The following INKA2 variants were observed in gnomAD, a reference collection of about 807,000 sequenced individuals.
INKA2 encodes the protein inka box actin regulator 2.
A neutral mutation model predicts 9.8 loss-of-function variants in INKA2; 3 were observed. The ratio of observed to expected loss-of-function variants is 0.31; its 90% CI spans 0.14 to 0.79. The LOEUF is 0.79. INKA2 is among the 30% of genes least tolerant of loss of function. The probability of loss-of-function intolerance (pLI) is 0.62; values close to 1 mark genes in which losing one functional copy is unlikely to be tolerated. For synonymous variants in INKA2, 147 were observed against 143.3 expected, an observed-to-expected ratio of 1.03 and a Z score of -0.18; for missense variants, 392 against 384.4, an observed-to-expected ratio of 1.02 and a Z score of -0.17.
intron 1 of INKA2, among the ~76,000 whole-genome samples, chr1:111,749,442 G>C (rs920966206): frequency 6.8e-6 from 1 of 146,460 alleles, no homozygotes; most frequent in South Asian, 2.1e-4. Flanking sequence ...GTGTGTGTGT[G>C]TGTGCGCGCG....
chr1:111,728,070 C>CACACACACACAT (rs1184555425), intron 1 of INKA2, among the ~76,000 whole-genome samples: 2,349 of 148,254 alleles, frequency 0.016, 51 homozygotes, highest in Middle Eastern at 0.027. Flanking sequence ...CACACACACA[C>CACACACACACAT]ACAGACATTT....
chr1:111,722,799 A>G lies in INKA2; in HGVS notation c.*4169T>C, dbSNP rs1272799351. ...AATGTTTCGACAGAAGAAGAGACCAACGCTCAGAGAAAGCACTTTTTCTTA... is the reference window on the plus strand; with the variant it reads ...AATGTTTCGACAGAAGAAGAGACCAGCGCTCAGAGAAAGCACTTTTTCTTA... On this transcript the variant is annotated 3_prime_UTR_variant, in exon 2 of 2. Transcript: ENST00000357260. 7.0e-6 allele frequency: 3 copies of G among 425,620 alleles called. No individual in the cohort carries two copies. Among genetic ancestry groups the G allele is most frequent in the Admixed American group, 4.2e-5 (1 of 24,068 alleles). The allele number at this position is 425,620 out of a possible 1,614,324, so 26.4% of individuals were successfully genotyped here.
chr1:111,727,271 G>A lies in INKA2; in HGVS notation c.591C>T (p.Pro197=). ...AREPKGEKGQ[P]QELGRRFALT... is the part of the protein sequence containing the mutation. ...GGGCGAACCTGCGGCCCAGCTCCTG[G>A]GGCTGGCCTTTCTCTCCTTTGGGTT... Residue 197 remains proline (P), a synonymous_variant, in exon 2 of 2, where the codon CCC becomes CCT. Coordinates refer to ENST00000357260, the MANE Select transcript of INKA2 (RefSeq NM_019099.5). 1 of 1,614,166 alleles carries A rather than the reference G, an allele frequency of 6.2e-7. No homozygotes were observed. Among genetic ancestry groups the A allele is most frequent in the Non-Finnish European group, 8.5e-7 (1 of 1,180,016 alleles).
rs1195235380 is a variant in INKA2 at position 111,739,256 on chromosome 1, G to T, written c.-14C>A. On this transcript the variant is annotated 5_prime_UTR_variant, in exon 1 of 2. Transcript: ENST00000357260. ...CTCCATCGTCATGCGCCCATTTGTC[G>T]GGTTCGGTTCAAACAGAGAGGGCCC... is the stretch of plus-strand genomic sequence containing the variant. 8.7e-6 allele frequency: 14 copies of T among 1,613,528 alleles called. No individual in the cohort carries two copies. Among genetic ancestry groups the T allele is most frequent in the Non-Finnish European group, 1.2e-5 (14 of 1,179,736 alleles).
At chr1:111,738,491 C>G (rs1663056828) in intron 1 of INKA2, among the ~76,000 whole-genome samples, 2 of 152,216 alleles carry the variant, frequency 1.3e-5, no homozygotes, top group South Asian at 4.1e-4. Flanking sequence ...TGACATCTGG[C>G]TGGGCCTCCG....
At position 111,726,090 on chromosome 1, in the gene INKA2, T is replaced by C; in HGVS notation, c.*878A>G. The C allele has an allele frequency of 2.5e-6, 1 of 398,644 alleles. No homozygotes were observed. The allele number at this position is 398,644 out of a possible 1,614,324, so 24.7% of individuals were successfully genotyped here. On this transcript the variant is annotated 3_prime_UTR_variant, in exon 2 of 2. Transcript: ENST00000357260. ...AGTGTTGGTAACTCCAGGGTCCAGC[T>C]TCTACTCTGCAGTTAGACCTAGGCT...
chr1:111,742,162 G>A (rs1663164046), upstream of INKA2, among the ~76,000 whole-genome samples: 1 of 152,182 alleles, frequency 6.6e-6, no homozygotes, highest in Admixed American at 6.5e-5. Flanking sequence ...CCTAGGACTG[G>A]GCGGTTGGGT....
At chr1:111,738,571 T>G (rs1663058395) in intron 1 of INKA2, among the ~76,000 whole-genome samples, 1 of 152,092 alleles carries the variant, frequency 6.6e-6, no homozygotes, top group Non-Finnish European at 1.5e-5. Flanking sequence ...CCTTTCCAGC[T>G]GCCAGCCCCC....
rs1662697933 is a variant in INKA2 at position 111,723,604 on chromosome 1, A to G, written c.*3364T>C. Reference sequence around the variant, plus strand: ...TTAAATGAGCTTCTAGCTCATTTGCATGTCCTAATTAACCACAAAGTGCGC... The same window carrying G: ...TTAAATGAGCTTCTAGCTCATTTGCGTGTCCTAATTAACCACAAAGTGCGC... On this transcript the variant is annotated 3_prime_UTR_variant, in exon 2 of 2. Transcript: ENST00000357260. 6.3e-6 allele frequency: 1 copy of G among 157,766 alleles called. No homozygotes were observed. Among genetic ancestry groups the G allele is most frequent in the African/African-American group, 2.4e-5 (1 of 41,648 alleles). The allele number at this position is 157,766 out of a possible 1,614,324, so 9.8% of individuals were successfully genotyped here.
At chr1:111,749,441 TGTGTGCGC>T (rs774780155) in intron 1 of INKA2, among the ~76,000 whole-genome samples, 55 of 142,992 alleles carry the variant, frequency 3.8e-4, no homozygotes, top group Non-Finnish European at 5.7e-4. Flanking sequence ...TGTGTGTGTG[TGTGTGCGC>T]GCGCGCGCGT....
In INKA2 at chr1:111,725,884, C is replaced by T; in HGVS notation, c.*1084G>A. On this transcript the variant is annotated 3_prime_UTR_variant, in exon 2 of 2. Transcript: ENST00000357260. ...AGTAGCTGGGTTTACAGGCGTGTGC[C>T]ACCACGCCTGGCTAATTTTTACGTA... 1 of 344,014 alleles carries T rather than the reference C, an allele frequency of 2.9e-6. No individual in the cohort carries two copies. The highest frequency in any genetic ancestry group is 5.2e-6 in the Non-Finnish European group (1 of 191,906). 21.3% of individuals were successfully genotyped at this position (344,014 alleles called of 1,614,324 possible). A position where few individuals can be genotyped will look rare whatever the true frequency, so the allele number is the denominator to read the frequency against.
In INKA2 at chr1:111,752,928, G is replaced by A. The variant is rs370550795; in HGVS notation, n.124+2773C>T. On this transcript the variant is annotated intron_variant and non_coding_transcript_variant, in intron 1 of 1. Transcript: ENST00000444059. ...TTAGCCAGGATGGTCTTGATCTCCT[G>A]ACCTTGTGATCCGCCCACCTCGGCC... is the stretch of plus-strand genomic sequence containing the variant. 1.7e-3 allele frequency among the ~76,000 whole-genome samples: 263 copies of A among 152,222 alleles called. 1 individual carries two copies. The highest frequency in any genetic ancestry group is 3.3e-3 in the Non-Finnish European group (225 of 67,996).
At chr1:111,738,623 C>G (rs1663059624) in intron 1 of INKA2, among the ~76,000 whole-genome samples, 1 of 152,166 alleles carries the variant, frequency 6.6e-6, no homozygotes, top group Non-Finnish European at 1.5e-5. Context: ...CCGGCCAAGC[C>G]TGCCCCCGCA....
chr1:111,727,094 G>A lies in INKA2; in HGVS notation c.768C>T (p.Gly256=), dbSNP rs199727515. 14 of 1,614,214 alleles carry A rather than the reference G, an allele frequency of 8.7e-6. No individual in the cohort carries two copies. Among genetic ancestry groups the A allele is most frequent in the East Asian group, 6.7e-5 (3 of 44,878 alleles). The change falls in exon 2 of 2, where the codon GGC becomes GGT. Residue 256 remains glycine (G), a synonymous_variant. Coordinates refer to ENST00000357260, the MANE Select transcript of INKA2 (RefSeq NM_019099.5). The part of the protein sequence containing the change: ...QKVKKRSLSK[G]SGHFPFPGTG... ...TGCCTGGGAAGGGGAAATGTCCAGA[G>A]CCCTTGGAAAGGCTCCGCTTCTTGA...
At chr1:111,729,040 A>C (rs1399465502) in intron 1 of INKA2, among the ~76,000 whole-genome samples, 1 of 151,594 alleles carries the variant, frequency 6.6e-6, no homozygotes, top group Non-Finnish European at 1.5e-5. Context: ...TAGCCTCCTG[A>C]GTAGCTGGGA....
chr1:111,735,255 T>C (rs1157321002), intron 1 of INKA2, among the ~76,000 whole-genome samples: 1 of 152,210 alleles, frequency 6.6e-6, no homozygotes, highest in Non-Finnish European at 1.5e-5. Flanking sequence ...CTAAACACAG[T>C]ATGAACTCAA....
Position 111,726,435 on chromosome 1 carries a change from C to CCAGTCCCAGGAGGCCTGGGGTT in INKA2, c.*511_*532dup, listed in dbSNP as rs1553231110. The CCAGTCCCAGGAGGCCTGGGGTT allele has an allele frequency of 1.8e-5, 4 of 220,008 alleles. No individual in the cohort carries two copies. Among genetic ancestry groups the CCAGTCCCAGGAGGCCTGGGGTT allele is most frequent in the Middle Eastern group, 1.6e-3 (1 of 644 alleles). The allele number at this position is 220,008 out of a possible 1,614,324, so 13.6% of individuals were successfully genotyped here. A position where few individuals can be genotyped will look rare whatever the true frequency, so the allele number is the denominator to read the frequency against. ...GGTCGGGTTTTGCCTCACTGCTGCTCCAGTCCCAGGAGGCCTGGGGTTCAG... is the reference window on the plus strand; with the variant it reads ...GGTCGGGTTTTGCCTCACTGCTGCTCCAGTCCCAGGAGGCCTGGGGTTCAGTCCCAGGAGGCCTGGGGTTCAG... On this transcript the variant is annotated 3_prime_UTR_variant, in exon 2 of 2. Transcript: ENST00000357260.
intron 1 of INKA2, among the ~76,000 whole-genome samples, chr1:111,736,245 C>T (rs920852489): frequency 1.3e-5 from 2 of 152,164 alleles, no homozygotes; most frequent in Non-Finnish European, 2.9e-5. Flanking sequence ...CCTTGAAACC[C>T]GATCCCCTTC....
chr1:111,745,279 ATATATATATATATAT>A (rs1663240270), intron 1 of INKA2: 2 of 43,670 alleles, frequency 4.6e-5, no homozygotes, highest in African/African-American at 2.2e-4. Flanking sequence ...ATATATATAT[ATATATATATATATAT>A]TTTTTTTTTT....
Sources: gnomAD v4.1 joint callset for allele counts (sites outside exome capture counted in the v4.1 genomes callset) on GRCh38, gnomAD v4.1.1 for gene constraint, MANE v1.5 for transcripts, NCBI Gene and HGNC (gene_info 2026-07-23, HGNC 2026-07-21) for gene names.